Variants in HS2ST1 observed in about 807,000 individuals in gnomAD.
The protein encoded by HS2ST1 is heparan sulfate 2-O-sulfotransferase 1, also known as 2-O-sulfotransferase.
In HS2ST1, 18 loss-of-function variants were observed where a neutral mutation model predicts 42.9. That is an observed-to-expected ratio of 0.42 (90% CI 0.29 to 0.62). The LOEUF is 0.62. Ranked by LOEUF, HS2ST1 falls within the 20% of genes least tolerant of loss-of-function variation. The pLI is 0.21. For synonymous variants in HS2ST1, 146 were observed against 152.9 expected, an observed-to-expected ratio of 0.95 and a Z score of 0.33; for missense variants, 334 against 433.8, an observed-to-expected ratio of 0.77 and a Z score of 2.04.
chr1:86,942,270 A>G (rs989214724), intron 1 of HS2ST1, among the ~76,000 whole-genome samples: 1 of 152,280 alleles, frequency 6.6e-6, no homozygotes, highest in South Asian at 2.1e-4. Context: ...AACTACTGCC[A>G]GCATCACTCA....
rs530513045 is a variant in HS2ST1, at chr1:86,920,730, A to G, written c.124+5570A>G. Among the ~76,000 whole-genome samples the G allele has an allele frequency of 3.3e-5, 5 of 152,314 alleles. No individual in the cohort carries two copies. The South Asian group carries it at 8.3e-4, about 25-fold the overall frequency. ...ATGAACTTCATAATCATGGTTCACTATAGCCTAGTTATTTTTAAGATCTAC... is the reference window on the plus strand; with the variant it reads ...ATGAACTTCATAATCATGGTTCACTGTAGCCTAGTTATTTTTAAGATCTAC... On this transcript the variant is annotated intron_variant, in intron 1 of 6. Coordinates refer to ENST00000370550, the MANE Select transcript of HS2ST1 (RefSeq NM_012262.4).
chr1:87,073,897 A>G (rs1373024046), intron 2 of HS2ST1, among the ~76,000 whole-genome samples: 1 of 152,226 alleles, frequency 6.6e-6, no homozygotes. Context: ...AATGTTTGCA[A>G]ATACTACTTA....
chr1:87,097,492 C>T (rs1399896141), intron 4 of HS2ST1, among the ~76,000 whole-genome samples: 2 of 152,144 alleles, frequency 1.3e-5, no homozygotes, highest in African/African-American at 4.8e-5. Flanking sequence ...CTCCTGGGTT[C>T]AAGCGATTCT....
intron 6 of HS2ST1, 73 bp from the exon 7 acceptor site, chr1:87,104,397 T>A: frequency 1.1e-6 from 1 of 921,690 alleles, no homozygotes; most frequent in Non-Finnish European, 1.7e-6. Flanking sequence ...CCTCTTCAAA[T>A]AAAGAGGCAT....
At chr1:87,085,309 T>C (rs529994364) in intron 3 of HS2ST1, among the ~76,000 whole-genome samples, 73 of 152,272 alleles carry the variant, frequency 4.8e-4, no homozygotes, top group Non-Finnish European at 1.8e-4. Flanking sequence ...AAGGCATTTT[T>C]TATAAAATTT....
At chr1:86,926,422 A>G (rs1053677700) in intron 1 of HS2ST1, among the ~76,000 whole-genome samples, 1 of 152,152 alleles carries the variant, frequency 6.6e-6, no homozygotes, top group Non-Finnish European at 1.5e-5. Context: ...GGATCCCTGA[A>G]TTAGACTGAG....
chr1:87,030,253 A>G (rs1248008280), intron 1 of HS2ST1, among the ~76,000 whole-genome samples: 1 of 152,208 alleles, frequency 6.6e-6, no homozygotes, highest in Non-Finnish European at 1.5e-5. Context: ...AATTGTAAAA[A>G]TAAAATTACC....
intron 1 of HS2ST1, among the ~76,000 whole-genome samples, chr1:87,062,719 T>A: frequency 6.6e-6 from 1 of 152,212 alleles, no homozygotes; most frequent in Admixed American, 6.5e-5. Context: ...GCCAGTCTTT[T>A]AGGGTAGGTC....
rs774505983 is a variant in HS2ST1, at chr1:87,084,198, G to A, written c.368G>A (p.Arg123His). The A allele has an allele frequency of 1.3e-5, 20 of 1,583,526 alleles. No homozygotes were observed. The highest frequency in any genetic ancestry group is 6.8e-5 in the African/African-American group (5 of 73,730). The change falls in exon 3 of 7, where the codon CGC becomes CAC. Residue 123 changes from arginine to histidine, a missense_variant. Transcript: ENST00000370550. The part of the protein sequence containing the change: ...NPVMSLQDQV[R>H]FVKNITSWKE... ...GAATGTGTTCTCCCTTTTTAGGTGC[G>A]CTTTGTAAAGAATATAACTTCCTGG... is the stretch of plus-strand genomic sequence containing the variant.
At chr1:87,039,615 T>A (rs1193526839) in intron 1 of HS2ST1, among the ~76,000 whole-genome samples, 1 of 152,226 alleles carries the variant, frequency 6.6e-6, no homozygotes, top group Non-Finnish European at 1.5e-5. Context: ...AGGACAGGTG[T>A]CATCCATTTA....
chr1:86,944,276 G>C (rs1647265562), intron 1 of HS2ST1, among the ~76,000 whole-genome samples: 1 of 152,134 alleles, frequency 6.6e-6, no homozygotes, highest in Non-Finnish European at 1.5e-5. Context: ...TGATAAATTT[G>C]AGTAGATAAC....
At chr1:87,030,961 A>G (rs953075251) in intron 1 of HS2ST1, among the ~76,000 whole-genome samples, 5 of 152,056 alleles carry the variant, frequency 3.3e-5, no homozygotes, top group African/African-American at 1.2e-4. Flanking sequence ...TCGTTTTGAG[A>G]TGGAGTCTTG....
At chr1:87,079,844 C>T (rs1651639166) in intron 2 of HS2ST1, among the ~76,000 whole-genome samples, 1 of 143,602 alleles carries the variant, frequency 7.0e-6, no homozygotes, top group Admixed American at 7.0e-5. Context: ...AGTTTAAGAA[C>T]AGCCCTGGTA....
chr1:87,057,499 G>A (rs546297569), intron 1 of HS2ST1, among the ~76,000 whole-genome samples: 1 of 151,354 alleles, frequency 6.6e-6, no homozygotes, highest in African/African-American at 2.4e-5. Flanking sequence ...ACAGTGTTGT[G>A]CCTCCAAGGA....
At chr1:87,052,867 C>G (rs1253541626) in intron 1 of HS2ST1, among the ~76,000 whole-genome samples, 2 of 152,182 alleles carry the variant, frequency 1.3e-5, no homozygotes, top group African/African-American at 4.8e-5. Context: ...GAAATGCCCT[C>G]TAGAACACCG....
chr1:87,044,783 C>G (rs1650604410), intron 1 of HS2ST1, among the ~76,000 whole-genome samples: 1 of 152,156 alleles, frequency 6.6e-6, no homozygotes. Flanking sequence ...ACAGTTCTAG[C>G]AAAATGAATG....
chr1:87,046,615 AAGTC>A (rs1650674504), intron 1 of HS2ST1: 1 of 1,574,828 alleles, frequency 6.3e-7, no homozygotes. Flanking sequence ...CTGAAGTACA[AAGTC>A]AAGGAGAAGA....
intron 1 of HS2ST1, among the ~76,000 whole-genome samples, chr1:87,052,670 A>G (rs981953393): frequency 6.6e-6 from 1 of 152,196 alleles, no homozygotes; most frequent in Admixed American, 6.5e-5. Context: ...CAGTTAGTCC[A>G]ATAGAATCAG....
In HS2ST1 at chr1:86,949,727, G is replaced by A. The variant is rs149010008; in HGVS notation, c.124+34567G>A. Among the ~76,000 whole-genome samples, 1,032 of 152,206 alleles carry A rather than the reference G, an allele frequency of 6.8e-3. 8 individuals are homozygous for A. The highest frequency in any genetic ancestry group is 0.024 in the African/African-American group (984 of 41,542). On this transcript the variant is annotated intron_variant, in intron 1 of 6. Transcript: ENST00000370550. ...CCATGTGTGGCTAGTGGTTCCTGTC[G>A]ATGGTGCAGAACATTTTCATCTTTC... is the stretch of plus-strand genomic sequence containing the variant.
Sources: allele counts gnomAD v4.1 joint callset (sites outside exome capture counted in the v4.1 genomes callset), GRCh38; gene constraint gnomAD v4.1.1; transcripts MANE v1.5; gene names NCBI Gene and HGNC (gene_info 2026-07-23, HGNC 2026-07-21).